RETREG1: variants seen among roughly 807,000 people sequenced by gnomAD.
The protein encoded by RETREG1 is reticulophagy regulator 1, also known as family with sequence similarity 134 member B.
A neutral mutation model predicts 54.8 loss-of-function variants in RETREG1; 44 were observed. That is an observed-to-expected ratio of 0.80 (90% confidence interval 0.63 to 1.03). The LOEUF is 1.03. Among genes scored for constraint, RETREG1 ranks in the 50% least tolerant of loss-of-function variants. RETREG1 has a pLI of 0.00. For synonymous variants in RETREG1, 217 were observed against 238.5 expected (o/e 0.91, Z 0.83); for missense variants, 554 against 605.1 (o/e 0.92, Z 0.89).
At chr5:16,600,204 T>C (rs1182404264) in intron 1 of RETREG1, among the ~76,000 whole-genome samples, 1 of 152,196 alleles carries the variant, frequency 6.6e-6, no homozygotes, top group African/African-American at 2.4e-5. Context: ...TTTCGCCATG[T>C]TGGCCAGGCT....
At chr5:16,541,721 A>C (rs1480473319) in intron 3 of RETREG1, among the ~76,000 whole-genome samples, 1 of 133,138 alleles carries the variant, frequency 7.5e-6, no homozygotes, top group African/African-American at 2.8e-5. Context: ...AGAAAAGAGA[A>C]GAGAAGAGAG....
chr5:16,607,638 T>A (rs1743232830), intron 1 of RETREG1, among the ~76,000 whole-genome samples: 1 of 151,804 alleles, frequency 6.6e-6, no homozygotes, highest in Admixed American at 6.6e-5. Flanking sequence ...AAAAAAGAAA[T>A]ACTTGTTGTA....
At chr5:16,596,050 T>C (rs938106403) in intron 1 of RETREG1, among the ~76,000 whole-genome samples, 1 of 152,210 alleles carries the variant, frequency 6.6e-6, no homozygotes, top group African/African-American at 2.4e-5. Flanking sequence ...GACTCTGATA[T>C]GGGTCATAAT....
intron 3 of RETREG1, among the ~76,000 whole-genome samples, chr5:16,515,627 G>A (rs1740327158): frequency 6.6e-6 from 1 of 152,190 alleles, no homozygotes; most frequent in South Asian, 2.1e-4. Context: ...TAAGTTAGAA[G>A]AAGGTAGTTG....
chr5:16,522,888 C>A (rs1414304554), intron 3 of RETREG1, among the ~76,000 whole-genome samples: 1 of 152,018 alleles, frequency 6.6e-6, no homozygotes, highest in African/African-American at 2.4e-5. Flanking sequence ...AGCCTGTAGT[C>A]CCAGCTATTC....
At chr5:16,591,460 G>A (rs749928065) in intron 1 of RETREG1, among the ~76,000 whole-genome samples, 73 of 152,176 alleles carry the variant, frequency 4.8e-4, no homozygotes, top group Non-Finnish European at 8.1e-4. Context: ...GAGTCGCTGG[G>A]GATGTTTGTT....
At chr5:16,490,792 A>G (rs1384087301) in intron 3 of RETREG1, among the ~76,000 whole-genome samples, 1 of 152,234 alleles carries the variant, frequency 6.6e-6, no homozygotes, top group Non-Finnish European at 1.5e-5. Flanking sequence ...GGATTGGAAC[A>G]TGGGGACCAT....
chr5:16,533,047 T>G (rs558384792), intron 3 of RETREG1, among the ~76,000 whole-genome samples: 2 of 130,214 alleles, frequency 1.5e-5, no homozygotes, highest in Non-Finnish European at 3.6e-5. Context: ...GTTGATAATA[T>G]GAACTTTTTT....
intron 3 of RETREG1, among the ~76,000 whole-genome samples, chr5:16,494,487 G>A (rs1182399547): frequency 6.6e-6 from 1 of 152,188 alleles, no homozygotes; most frequent in Non-Finnish European, 1.5e-5. Context: ...CTGTGCTCAT[G>A]ATGGTGAGTG....
Position 16,478,212 on chromosome 5 carries a change from A to G in RETREG1, c.809-114T>C, listed in dbSNP as rs928998114. Reference sequence around the variant, plus strand: ...TCTCATATTCTCCAAATACAAATATATATTTCTCATATTCTTAACTACAAA... The same window carrying G: ...TCTCATATTCTCCAAATACAAATATGTATTTCTCATATTCTTAACTACAAA... On this transcript the variant is annotated intron_variant, in intron 6 of 8. Coordinates refer to ENST00000306320, the MANE Select transcript of RETREG1 (RefSeq NM_001034850.3). 5.9e-6 allele frequency: 4 copies of G among 679,722 alleles called. No homozygotes were observed. The African/African-American group carries it at 7.3e-5, about 12-fold the overall frequency. The allele number at this position is 679,722 out of a possible 1,614,324, so 42.1% of individuals were successfully genotyped here.
At chr5:16,537,159 G>A (rs919891094) in intron 3 of RETREG1, among the ~76,000 whole-genome samples, 2 of 152,198 alleles carry the variant, frequency 1.3e-5, no homozygotes, top group East Asian at 3.8e-4. Flanking sequence ...CCTGCACCAA[G>A]CACATAATAG....
chr5:16,550,272 A>T (rs924757001), intron 3 of RETREG1, among the ~76,000 whole-genome samples: 1 of 69,982 alleles, frequency 1.4e-5, no homozygotes, highest in African/African-American at 3.2e-5. Flanking sequence ...CCTCTTTAAA[A>T]TTTAAAAAAA....
At chr5:16,480,156 C>G (rs1392549195) in intron 5 of RETREG1, among the ~76,000 whole-genome samples, 2 of 151,956 alleles carry the variant, frequency 1.3e-5, no homozygotes, top group Admixed American at 1.3e-4. Flanking sequence ...TCCCTGCCCC[C>G]ACCCACCTCA....
chr5:16,542,690 C>T (rs771729262), intron 3 of RETREG1, among the ~76,000 whole-genome samples: 13 of 152,182 alleles, frequency 8.5e-5, no homozygotes, highest in Non-Finnish European at 1.6e-4. Flanking sequence ...AAGGGGATGT[C>T]TCAGCAATGT....
chr5:16,574,423 A>G (rs933620649), intron 1 of RETREG1, among the ~76,000 whole-genome samples: 1 of 152,164 alleles, frequency 6.6e-6, no homozygotes, highest in African/African-American at 2.4e-5. Context: ...CGGGGTAGGG[A>G]GGAAGCATGG....
intron 3 of RETREG1, among the ~76,000 whole-genome samples, chr5:16,511,739 A>G (rs1740181815): frequency 6.6e-6 from 1 of 152,172 alleles, no homozygotes; most frequent in Non-Finnish European, 1.5e-5. Context: ...TACAGGAAGC[A>G]TGGCTGGCAT....
chr5:16,601,074 A>G (rs1279316955), intron 1 of RETREG1, among the ~76,000 whole-genome samples: 5 of 152,200 alleles, frequency 3.3e-5, no homozygotes, highest in African/African-American at 1.2e-4. Flanking sequence ...CTCCAGAAAA[A>G]GAAGAAAACA....
intron 1 of RETREG1, among the ~76,000 whole-genome samples, chr5:16,610,070 C>T (rs764654885): frequency 1.3e-5 from 2 of 152,136 alleles, no homozygotes; most frequent in African/African-American, 4.8e-5. Context: ...GCTGCTAGCC[C>T]AGGACCTCAC....
Position 16,483,352 on chromosome 5 carries a change from A to G in RETREG1, c.579T>C (p.Pro193=). Residue 193 remains proline, a synonymous_variant, in exon 4 of 9, where the codon CCT becomes CCC. Transcript: ENST00000306320. ...CCTTTACTGGAAAACTTGCCTTGCC[A>G]GGGCTCTGCTGTTTAAAAAGAGACA... The part of the protein sequence containing the change: ...QEMSLFKQQS[P]GKFCLLVCSV... The G allele has an allele frequency of 6.2e-7, 1 of 1,613,290 alleles. No homozygotes were observed. The highest frequency in any genetic ancestry group is 1.1e-5 in the South Asian group (1 of 91,064).
Sources: allele counts gnomAD v4.1 joint callset (sites outside exome capture counted in the v4.1 genomes callset), GRCh38; gene constraint gnomAD v4.1.1; transcripts MANE v1.5; gene names NCBI Gene and HGNC (gene_info 2026-07-23, HGNC 2026-07-21).